Variants in ADGRE3 observed in about 807,000 individuals in gnomAD.
ADGRE3 encodes the protein EGF-like module receptor 3.
Under a neutral mutation model 80.1 loss-of-function variants are expected in ADGRE3, and 88 were observed. That is an observed-to-expected ratio of 1.10 (90% confidence interval 0.93 to 1.31). ADGRE3 has a LOEUF of 1.31. ADGRE3 is among the 40% of genes most tolerant of loss of function. The pLI, the probability that ADGRE3 is intolerant of heterozygous loss-of-function variation, is 0.00. For synonymous variants in ADGRE3, 281 were observed against 294.8 expected (o/e 0.95, Z 0.48); for missense variants, 715 against 776.5 (o/e 0.92, Z 0.94).
At chr19:14,659,309 C>T (rs1971871718) in intron 4 of ADGRE3, among the ~76,000 whole-genome samples, 1 of 152,104 alleles carries the variant, frequency 6.6e-6, no homozygotes, top group South Asian at 2.1e-4. Context: ...TCCTAAAATG[C>T]AAGGATTACA....
At chr19:14,671,714 T>G (rs1972261889) in intron 1 of ADGRE3, among the ~76,000 whole-genome samples, 1 of 152,204 alleles carries the variant, frequency 6.6e-6, no homozygotes, top group Non-Finnish European at 1.5e-5. Flanking sequence ...ACAGAACATT[T>G]TGAATATTCT....
At chr19:14,636,057 C>CTTCCCT (rs1971041985) in intron 11 of ADGRE3, among the ~76,000 whole-genome samples, 2 of 63,684 alleles carry the variant, frequency 3.1e-5, no homozygotes, top group East Asian at 1.2e-3. Context: ...TCCTTCCTTC[C>CTTCCCT]TTCCTTTCCT....
In ADGRE3 at chr19:14,647,306, A is replaced by T. The variant is rs1379405530; in HGVS notation, c.757T>A (p.Phe253Ile). 3.7e-6 allele frequency: 6 copies of T among 1,613,396 alleles called. No individual in the cohort carries two copies. Among genetic ancestry groups the T allele is most frequent in the Non-Finnish European group, 5.1e-6 (6 of 1,179,412 alleles). Residue 253 changes from phenylalanine to isoleucine, a missense_variant, in exon 8 of 16, where the codon TTT becomes ATT. Transcript: ENST00000253673. Reference protein sequence around the residue: ...SSLGNIINATFFEEMDKKDQV... With the variant: ...SSLGNIINATIFEEMDKKDQV... ...TCTTTCTTATCCATCTCTTCAAAAA[A>T]AGTTGCATTTATGATGTTTCCAAGA...
At chr19:14,661,379 T>G (rs980414079) in intron 4 of ADGRE3, among the ~76,000 whole-genome samples, 4 of 152,290 alleles carry the variant, frequency 2.6e-5, no homozygotes, top group African/African-American at 4.8e-5. Context: ...GTTCCCAGTT[T>G]TAGTTAATTC....
chr19:14,616,625 A>C (rs937167793), downstream of ADGRE3, among the ~76,000 whole-genome samples: 5 of 151,852 alleles, frequency 3.3e-5, no homozygotes, highest in Admixed American at 6.6e-5. Flanking sequence ...CCAGCGGTCA[A>C]GTTTGGTAAG....
At chr19:14,623,676 T>TTTATGGACA (rs1285343038) in intron 15 of ADGRE3, among the ~76,000 whole-genome samples, 1 of 152,196 alleles carries the variant, frequency 6.6e-6, no homozygotes, top group Admixed American at 6.6e-5. Flanking sequence ...ACCGTCACTC[T>TTTATGGACA]GTGGGCCCAC....
At chr19:14,637,419 G>GTA (rs1971122288) in intron 11 of ADGRE3, among the ~76,000 whole-genome samples, 1 of 144,482 alleles carries the variant, frequency 6.9e-6, no homozygotes, top group African/African-American at 2.6e-5. Flanking sequence ...TTTGAGACAA[G>GTA]GTCTTGATCT....
At chr19:14,633,630 G>A (rs780707015) in intron 11 of ADGRE3, among the ~76,000 whole-genome samples, 3 of 150,626 alleles carry the variant, frequency 2.0e-5, no homozygotes, top group East Asian at 4.0e-4. Context: ...GCGTGAACTC[G>A]GTAAGCGGAG....
chr19:14,656,563 C>T (rs572037765), intron 5 of ADGRE3, among the ~76,000 whole-genome samples: 2 of 152,180 alleles, frequency 1.3e-5, no homozygotes, highest in South Asian at 4.1e-4. Flanking sequence ...CATTTACTTA[C>T]TGCTCGGGGA....
intron 5 of ADGRE3, among the ~76,000 whole-genome samples, chr19:14,656,799 T>TG (rs1971778685): frequency 6.6e-6 from 1 of 152,304 alleles, no homozygotes; most frequent in East Asian, 1.9e-4. Flanking sequence ...AAAGAAAATT[T>TG]GGGGCTGCTC....
intron 4 of ADGRE3, 64 bp downstream of exon 4, chr19:14,661,899 C>T: frequency 6.4e-7 from 1 of 1,563,210 alleles, no homozygotes. Flanking sequence ...CAAAACAAAA[C>T]AAAACAAACA....
intron 6 of ADGRE3, among the ~76,000 whole-genome samples, chr19:14,651,978 G>T (rs1421947409): frequency 2.0e-5 from 3 of 152,182 alleles, no homozygotes; most frequent in Non-Finnish European, 4.4e-5. Context: ...GGAGGCAGAG[G>T]TTGCAGTGAG....
the ADGRE3 span, among the ~76,000 whole-genome samples, chr19:14,605,071 G>A: frequency 1.3e-5 from 2 of 151,924 alleles, no homozygotes; most frequent in South Asian, 4.2e-4. Flanking sequence ...GGTGGCTCAC[G>A]CCTGTAATCC....
Position 14,651,148 on chromosome 19 carries a change from A to G in ADGRE3, c.634T>C (p.Leu212=). The part of the protein sequence containing the change: ...NCSEERKTFN[L]NVQMNSMDIR... The stretch of plus-strand genomic sequence containing the variant: ...TCCATTGAGTTCATTTGGACGTTCA[A>G]GTTGAATGTCTTTCTTTCTTCAGAG... The change falls in exon 7 of 16, where the codon TTG becomes CTG. Residue 212 remains leucine (L), a synonymous_variant. Transcript: ENST00000253673. 2 of 1,614,130 alleles carry G rather than the reference A, an allele frequency of 1.2e-6. No homozygotes were observed. The highest frequency in any genetic ancestry group is 1.7e-6 in the Non-Finnish European group (2 of 1,179,968).
At chr19:14,627,232 C>A (rs1013445944) in intron 14 of ADGRE3, among the ~76,000 whole-genome samples, 1 of 152,098 alleles carries the variant, frequency 6.6e-6, no homozygotes, top group African/African-American at 2.4e-5. Flanking sequence ...CTAACTGTCC[C>A]GTGGTGGGAA....
chr19:14,643,415 A>G (rs537824543), intron 9 of ADGRE3, among the ~76,000 whole-genome samples: 1 of 152,074 alleles, frequency 6.6e-6, no homozygotes, highest in East Asian at 1.9e-4. Flanking sequence ...AAGTGCTGGG[A>G]TTACAGGTGT....
intron 2 of ADGRE3, 93 bp downstream of exon 2, chr19:14,668,709 A>G: frequency 1.0e-6 from 1 of 987,536 alleles, no homozygotes; most frequent in East Asian, 2.4e-5. Context: ...TGCTCTCAGA[A>G]CAGGCACTTT....
At chr19:14,655,838 G>A (rs938444409) in intron 5 of ADGRE3, among the ~76,000 whole-genome samples, 114 of 152,102 alleles carry the variant, frequency 7.5e-4, no homozygotes, top group African/African-American at 2.7e-3. Context: ...GTTCTCAACG[G>A]GGGGGTGATT....
intron 5 of ADGRE3, among the ~76,000 whole-genome samples, chr19:14,657,993 G>C (rs1020946220): frequency 6.6e-6 from 1 of 152,006 alleles, no homozygotes; most frequent in South Asian, 2.1e-4. Flanking sequence ...TCGAACTCCT[G>C]ACCTCAAGTA....
Sources: allele counts gnomAD v4.1 joint callset (sites outside exome capture counted in the v4.1 genomes callset), GRCh38; gene constraint gnomAD v4.1.1; transcripts MANE v1.5; gene names NCBI Gene and HGNC (gene_info 2026-07-23, HGNC 2026-07-21).